Variants in CCDC192 observed in about 807,000 individuals in gnomAD.
The protein encoded by CCDC192 is coiled-coil domain containing 192, also known as coiled-coil domain-containing protein 192.
chr5:127,762,642 T>C (rs1754995738), intron 3 of CCDC192, among the ~76,000 whole-genome samples: 1 of 152,320 alleles, frequency 6.6e-6, no homozygotes, highest in African/African-American at 2.4e-5. Context: ...CTTGTAAATG[T>C]CAAGATCAAA....
At chr5:127,940,366 A>G (rs1754351395) in intron 6 of CCDC192, 2 of 152,196 alleles carry the variant, frequency 1.3e-5, no homozygotes, top group South Asian at 4.1e-4. Context: ...TGCCGACTCT[A>G]AAGCTGACTT....
At chr5:127,909,171 C>T (rs1456506120) in intron 6 of CCDC192, among the ~76,000 whole-genome samples, 2 of 152,064 alleles carry the variant, frequency 1.3e-5, no homozygotes, top group African/African-American at 4.8e-5. Flanking sequence ...AACCCCTGGG[C>T]GAGAGCAGTG....
intron 6 of CCDC192, among the ~76,000 whole-genome samples, chr5:127,926,876 T>C (rs532322022): frequency 2.9e-4 from 44 of 152,278 alleles, no homozygotes; most frequent in African/African-American, 1.0e-3. Flanking sequence ...GTAATTACTC[T>C]GAGGAAAAGC....
intron 5 of CCDC192, among the ~76,000 whole-genome samples, chr5:127,853,155 C>G (rs1750877979): frequency 1.3e-5 from 2 of 152,156 alleles, no homozygotes; most frequent in Non-Finnish European, 2.9e-5. Context: ...CAGATGTTTA[C>G]TGTCCACCAG....
intron 2 of CCDC192, among the ~76,000 whole-genome samples, chr5:127,749,638 A>G (rs1303860051): frequency 2.0e-5 from 3 of 152,078 alleles, no homozygotes; most frequent in Admixed American, 6.6e-5. Context: ...AAAATGAGTT[A>G]GGGAGGATTC....
intron 6 of CCDC192, among the ~76,000 whole-genome samples, chr5:127,888,062 T>G (rs1253939965): frequency 6.6e-6 from 1 of 152,080 alleles, no homozygotes; most frequent in Non-Finnish European, 1.5e-5. Context: ...TTAAAATACA[T>G]ATTTTTAATT....
At chr5:127,876,041 A>G (rs1752062189) in intron 6 of CCDC192, among the ~76,000 whole-genome samples, 1 of 147,804 alleles carries the variant, frequency 6.8e-6, no homozygotes, top group Admixed American at 6.9e-5. Context: ...CTGACAGACT[A>G]GGGCACAGGG....
chr5:127,902,475 T>C lies in CCDC192; in HGVS notation c.535+26814T>C, dbSNP rs76511295. On this transcript the variant is annotated intron_variant, in intron 6 of 6. Coordinates refer to ENST00000514853, the MANE Select transcript of CCDC192 (RefSeq NM_001317938.2). ...AAAAACTTCCTGCTCTCATTTAGTT[T>C]AGGGAATGCTCTTTAACTAACATAA... Among the ~76,000 whole-genome samples the C allele has an allele frequency of 5.8e-3, 882 of 152,298 alleles. 6 individuals carry two copies. The highest frequency in any genetic ancestry group is 0.044 in the Middle Eastern group (13 of 294).
intron 2 of CCDC192, among the ~76,000 whole-genome samples, chr5:127,743,962 C>T (rs556807944): frequency 1.3e-5 from 2 of 151,622 alleles, no homozygotes; most frequent in African/African-American, 2.4e-5. Flanking sequence ...GGCATGGTGG[C>T]GGGCGCCTGT....
chr5:127,773,288 C>T (rs1580633856), intron 3 of CCDC192, among the ~76,000 whole-genome samples: 3 of 152,110 alleles, frequency 2.0e-5, no homozygotes, highest in Admixed American at 2.0e-4. Context: ...AGGTAAAATT[C>T]ACAGAACTTA....
At chr5:127,799,111 A>G (rs1471388388) in intron 5 of CCDC192, among the ~76,000 whole-genome samples, 1 of 152,196 alleles carries the variant, frequency 6.6e-6, no homozygotes, top group African/African-American at 2.4e-5. Context: ...GATACTGACC[A>G]GTCATGTTAA....
intron 6 of CCDC192, 50 bp from the exon 7 acceptor site, chr5:127,941,132 G>T: frequency 2.5e-6 from 1 of 398,786 alleles, no homozygotes; most frequent in Non-Finnish European, 4.4e-6. Flanking sequence ...TTTGACTTCT[G>T]GGAAATCTAA....
chr5:127,862,470 A>G (rs894552623), intron 5 of CCDC192, among the ~76,000 whole-genome samples: 3 of 152,230 alleles, frequency 2.0e-5, no homozygotes, highest in African/African-American at 4.8e-5. Flanking sequence ...GTTGATCTTT[A>G]TAGTTGTATA....
At chr5:127,935,911 C>T (rs1486263501) in intron 6 of CCDC192, among the ~76,000 whole-genome samples, 1 of 152,046 alleles carries the variant, frequency 6.6e-6, no homozygotes, top group Non-Finnish European at 1.5e-5. Context: ...TCGAGACCAC[C>T]CTGGTCAACA....
At chr5:127,916,995 A>G (rs954406151) in intron 6 of CCDC192, among the ~76,000 whole-genome samples, 1 of 152,222 alleles carries the variant, frequency 6.6e-6, no homozygotes, top group Admixed American at 6.5e-5. Flanking sequence ...GTTGCCATTG[A>G]AAACCTGTTC....
chr5:127,782,383 A>G (rs1042597794), intron 3 of CCDC192, among the ~76,000 whole-genome samples: 16 of 152,196 alleles, frequency 1.1e-4, no homozygotes, highest in African/African-American at 3.9e-4. Flanking sequence ...AATAGCGTCA[A>G]TAGGATTTGT....
chr5:127,847,104 G>A (rs1175059608), intron 5 of CCDC192, among the ~76,000 whole-genome samples: 3 of 152,030 alleles, frequency 2.0e-5, no homozygotes, highest in Admixed American at 1.3e-4. Context: ...AATTTCCATG[G>A]TGCTACCTTT....
chr5:127,778,747 G>GTTTCT (rs922877739), intron 3 of CCDC192, among the ~76,000 whole-genome samples: 61 of 151,940 alleles, frequency 4.0e-4, no homozygotes, highest in African/African-American at 1.3e-3. Context: ...TGGGAGTTTT[G>GTTTCT]TTTCTTTTCT....
At chr5:127,926,555 G>C (rs913791508) in intron 6 of CCDC192, among the ~76,000 whole-genome samples, 1 of 152,096 alleles carries the variant, frequency 6.6e-6, no homozygotes, top group African/African-American at 2.4e-5. Context: ...AAACTTAAAA[G>C]GTATTTAGAA....
Sources: gnomAD v4.1 joint callset for allele counts (sites outside exome capture counted in the v4.1 genomes callset) on GRCh38, gnomAD v4.1.1 for gene constraint, MANE v1.5 for transcripts, NCBI Gene and HGNC (gene_info 2026-07-23, HGNC 2026-07-21) for gene names.